CDH2: variants seen among roughly 807,000 people sequenced by gnomAD.
CDH2 encodes the protein cadherin 2.
Under a neutral mutation model 92.0 loss-of-function variants are expected in CDH2, and 17 were observed. That is an observed-to-expected ratio of 0.18 (90% CI 0.13 to 0.28). The LOEUF is 0.28. Among genes scored for constraint, CDH2 ranks in the 10% least tolerant of loss-of-function variants. The pLI, the probability that CDH2 is intolerant of heterozygous loss-of-function variation, is 1.00. For synonymous variants in CDH2, 419 were observed against 415.9 expected (o/e 1.01, Z -0.09); for missense variants, 862 against 1,133.1 (o/e 0.76, Z 3.44).
intron 10 of CDH2, among the ~76,000 whole-genome samples, chr18:27,989,574 T>A (rs975311187): frequency 6.6e-6 from 1 of 152,212 alleles, no homozygotes; most frequent in Admixed American, 6.5e-5. Flanking sequence ...CTGGCAACCA[T>A]CCACTCCCTC....
chr18:28,170,699 A>G (rs560664475), intron 1 of CDH2, among the ~76,000 whole-genome samples: 1 of 152,188 alleles, frequency 6.6e-6, no homozygotes, highest in South Asian at 2.1e-4. Context: ...TGGCTTAACA[A>G]TCGCTTTCTT....
At chr18:27,961,806 A>G (rs910162826) in intron 15 of CDH2, among the ~76,000 whole-genome samples, 2 of 152,114 alleles carry the variant, frequency 1.3e-5, no homozygotes, top group Non-Finnish European at 2.9e-5. Flanking sequence ...GGCTTCAAAA[A>G]AGTATGGTTC....
intron 2 of CDH2, among the ~76,000 whole-genome samples, chr18:28,052,962 G>C (rs1446685121): frequency 1.3e-5 from 2 of 152,074 alleles, no homozygotes; most frequent in African/African-American, 4.8e-5. Flanking sequence ...GGTCGTATGG[G>C]GGGGTCCTAA....
At chr18:27,947,133 ATTGT>A (rs1034794729), downstream of CDH2, among the ~76,000 whole-genome samples, 41 of 151,932 alleles carry the variant, frequency 2.7e-4, no homozygotes, top group African/African-American at 8.4e-4. Context: ...TGCCGTTATG[ATTGT>A]TTGTCAGGAA....
chr18:27,990,967 CA>C (rs1460947393), intron 9 of CDH2, among the ~76,000 whole-genome samples: 5 of 152,086 alleles, frequency 3.3e-5, no homozygotes, highest in African/African-American at 1.2e-4. Flanking sequence ...TTCCTCTTAG[CA>C]AACTAAAACT....
chr18:27,944,966 A>T (rs1909233770), intron 6 of CDH2, among the ~76,000 whole-genome samples: 2 of 152,066 alleles, frequency 1.3e-5, no homozygotes, highest in Admixed American at 6.6e-5. Flanking sequence ...AACAATCATA[A>T]AATATATATT....
At chr18:27,985,374 T>A in intron 12 of CDH2, 141 bp from the exon 13 acceptor site, 1 of 782,384 alleles carries the variant, frequency 1.3e-6, no homozygotes, top group Non-Finnish European at 2.0e-6. Flanking sequence ...AATACTTTTT[T>A]GGCCGTAAAG....
At chr18:27,962,622 T>C (rs1461435567) in intron 15 of CDH2, among the ~76,000 whole-genome samples, 1 of 152,202 alleles carries the variant, frequency 6.6e-6, no homozygotes, top group Non-Finnish European at 1.5e-5. Flanking sequence ...TCAACATCAA[T>C]ATGTAGTGTT....
chr18:28,173,598 C>T (rs2016495522), intron 1 of CDH2, among the ~76,000 whole-genome samples: 1 of 152,060 alleles, frequency 6.6e-6, no homozygotes, highest in Non-Finnish European at 1.5e-5. Context: ...GTTTATCCAT[C>T]GTTTTTCCAA....
chr18:27,976,862 G>T (rs1379394035), intron 14 of CDH2, among the ~76,000 whole-genome samples: 1 of 152,182 alleles, frequency 6.6e-6, no homozygotes, highest in Non-Finnish European at 1.5e-5. Context: ...TTAAAAAGCA[G>T]AAGGCTAACA....
At position 27,992,445 on chromosome 18, in the gene CDH2, C is replaced by T. The variant is rs142129687; in HGVS notation, c.1344+210G>A. 7.3e-4 allele frequency among the ~76,000 whole-genome samples: 111 copies of T among 152,306 alleles called. 1 individual carries two copies. Among genetic ancestry groups the T allele is most frequent in the African/African-American group, 2.6e-3 (109 of 41,564 alleles). ...AAAACTCATTCAAAAACCCTCACAT[C>T]AGTGATGATGTGAGAGTACTGATGT... On this transcript the variant is annotated intron_variant, in intron 9 of 15. Coordinates refer to ENST00000269141, the MANE Select transcript of CDH2 (RefSeq NM_001792.5).
At position 28,166,149 on chromosome 18, in the gene CDH2, C is replaced by CATATATATATATATATATATATAT. The variant is rs35562216; in HGVS notation, c.60+10790_60+10813dup. On this transcript the variant is annotated intron_variant, in intron 1 of 15. Transcript: ENST00000269141. ...CAAAGAGGAGTAATTCAGACACACT[C>CATATATATATATATATATATATAT]ATATATATATATATATATATATATG... Among the ~76,000 whole-genome samples the CATATATATATATATATATATATAT allele has an allele frequency of 5.9e-3, 352 of 59,160 alleles. 13 individuals carry two copies. The highest frequency in any genetic ancestry group is 8.9e-3 in the African/African-American group (119 of 13,340). The allele number at this position is 59,160 out of a possible 152,430, so 38.8% of individuals were successfully genotyped here.
chr18:28,022,625 T>C (rs2013442048), intron 2 of CDH2, among the ~76,000 whole-genome samples: 1 of 152,122 alleles, frequency 6.6e-6, no homozygotes, highest in African/African-American at 2.4e-5. Context: ...TTTATTAAAG[T>C]TCATGGTCCT....
At chr18:27,943,098 AAATT>A (rs1299655507) in intron 6 of CDH2, among the ~76,000 whole-genome samples, 1 of 152,196 alleles carries the variant, frequency 6.6e-6, no homozygotes, top group African/African-American at 2.4e-5. Context: ...AGAATGAACT[AAATT>A]AAAGATTTAA....
At chr18:28,056,104 AT>A (rs1355516096) in intron 2 of CDH2, among the ~76,000 whole-genome samples, 6 of 152,008 alleles carry the variant, frequency 3.9e-5, no homozygotes, top group Admixed American at 1.3e-4. Context: ...AAAAAGAGTA[AT>A]TTTTGTCCTA....
chr18:28,160,998 C>A (rs2016298631), intron 1 of CDH2, among the ~76,000 whole-genome samples: 1 of 152,170 alleles, frequency 6.6e-6, no homozygotes. Context: ...TATTCAGTAT[C>A]TTTATGTTTC....
chr18:27,944,122 C>T (rs970319535), intron 6 of CDH2, among the ~76,000 whole-genome samples: 26 of 152,018 alleles, frequency 1.7e-4, no homozygotes, highest in East Asian at 5.8e-4. Context: ...CTGCTGACCA[C>T]GGATGTTAAC....
chr18:28,127,240 C>T (rs955891067), intron 2 of CDH2, among the ~76,000 whole-genome samples: 10 of 152,178 alleles, frequency 6.6e-5, no homozygotes, highest in African/African-American at 2.4e-4. Flanking sequence ...TATCCACCAA[C>T]CTGATTTAGG....
At chr18:28,128,906 C>A (rs1477005936) in intron 2 of CDH2, among the ~76,000 whole-genome samples, 1 of 152,102 alleles carries the variant, frequency 6.6e-6, no homozygotes, top group Non-Finnish European at 1.5e-5. Context: ...GGTAGATATG[C>A]CAGTGGTACA....
Sources: allele counts gnomAD v4.1 joint callset (sites outside exome capture counted in the v4.1 genomes callset), GRCh38; gene constraint gnomAD v4.1.1; transcripts MANE v1.5; gene names NCBI Gene and HGNC (gene_info 2026-07-23, HGNC 2026-07-21).